Variants in KIFC3 observed in about 807,000 individuals in gnomAD.
The protein encoded by KIFC3 is kinesin family member C3.
A neutral mutation model predicts 101.8 loss-of-function variants in KIFC3; 60 were observed. That is an observed-to-expected ratio of 0.59 (90% confidence interval 0.48 to 0.73). The LOEUF (loss-of-function observed/expected upper bound fraction) is 0.73. Among genes scored for constraint, KIFC3 ranks in the 30% least tolerant of loss-of-function variants. KIFC3 has a pLI of 0.00. For synonymous variants in KIFC3, 476 were observed against 482.7 expected, an observed-to-expected ratio of 0.99 and a Z score of 0.18; for missense variants, 966 against 1,137.1, an observed-to-expected ratio of 0.85 and a Z score of 2.16.
chr16:57,800,769 G>A (rs1157613317), intron 1 of KIFC3, among the ~76,000 whole-genome samples: 2 of 152,188 alleles, frequency 1.3e-5, no homozygotes, highest in Admixed American at 6.5e-5. Context: ...GGGTGTGAAG[G>A]TCAAAAGTAT....
chr16:57,851,770 C>T (rs1221219158), intron 1 of KIFC3, among the ~76,000 whole-genome samples: 2 of 151,190 alleles, frequency 1.3e-5, no homozygotes, highest in Admixed American at 1.3e-4. Flanking sequence ...ATGGTAGTCT[C>T]GCACTGTCGC....
At position 57,798,586 on chromosome 16, in the gene KIFC3, G is replaced by C. The variant is rs1446433622; in HGVS notation, c.-39-304C>G. On this transcript the variant is annotated intron_variant, in intron 1 of 19. Coordinates refer to ENST00000445690, the MANE Select transcript of KIFC3 (RefSeq NM_001130100.2). ...GAGCCTGGAGCCTGAGGACAAGCCA[G>C]GTCCTAGCCCCACACAGAGGAGGCA... 17 of 495,082 alleles carry C rather than the reference G, an allele frequency of 3.4e-5. No homozygotes were observed. In the South Asian group the frequency reaches 3.5e-4, roughly 10 times the overall value. 30.7% of individuals were successfully genotyped at this position (495,082 alleles called of 1,614,324 possible). A position where few individuals can be genotyped will look rare whatever the true frequency, so the allele number is the denominator to read the frequency against.
rs372862493 is a variant in KIFC3 at position 57,766,970 on chromosome 16, C to G, written c.1234G>C (p.Glu412Gln). The G allele has an allele frequency of 1.2e-6, 2 of 1,613,004 alleles. No homozygotes were observed. Among genetic ancestry groups the G allele is most frequent in the African/African-American group, 2.7e-5 (2 of 74,912 alleles). The change falls in exon 10 of 20, where the codon GAG becomes CAG. Residue 412 changes from glutamate (E) to glutamine (Q), a missense_variant. Glu to Gln is a conservative substitution (Grantham distance 29). Around this residue, in one of 2 missense-constraint regions of KIFC3, gnomAD observed 689 missense variants for 884.6 expected, o/e 0.78. Transcript: ENST00000445690. Reference sequence around the variant, plus strand: ...TCCTGGTTGTTGCTGTTGACCTCCTCGATGGCCTGGCCTATCTGGTGGGGG... The same window carrying G: ...TCCTGGTTGTTGCTGTTGACCTCCTGGATGGCCTGGCCTATCTGGTGGGGG... ...SVKAEIGQAI[E>Q]EVNSNNQELL...
rs543054542 is a variant in KIFC3, at chr16:57,843,960, T to G, written c.108+18769A>C. Among the ~76,000 whole-genome samples, 7 of 151,506 alleles carry G rather than the reference T, an allele frequency of 4.6e-5. No homozygotes were observed. The East Asian group carries it at 1.4e-3, about 30-fold the overall frequency. ...CTGTCTCTACTAAAAATACAATAATTAGTTGGGCATGGTGGTGCACGCCTG... is the reference window on the plus strand; with the variant it reads ...CTGTCTCTACTAAAAATACAATAATGAGTTGGGCATGGTGGTGCACGCCTG... On this transcript the variant is annotated intron_variant, in intron 1 of 2. Transcript: ENST00000563028.
At position 57,795,123 on chromosome 16, in the gene KIFC3, G is replaced by C. The variant is rs750978673; in HGVS notation, c.191C>G (p.Pro64Arg). Residue 64 changes from proline (P) to arginine (R), a missense_variant, in exon 3 of 20, where the codon CCA becomes CGA. By Grantham distance (103) the Pro-to-Arg change is moderately radical (BLOSUM62 -2). Coordinates refer to ENST00000445690, the MANE Select transcript of KIFC3 (RefSeq NM_001130100.2). ...ACTGGAGTCCTCGTCACCGCAGACTGGGGTATCTTTTCCACGCCCTGTCCC... is the reference window on the plus strand; with the variant it reads ...ACTGGAGTCCTCGTCACCGCAGACTCGGGTATCTTTTCCACGCCCTGTCCC... ...RLRTGRGKDT[P>R]VCGDEDSSAR... 1.6e-5 allele frequency: 26 copies of C among 1,611,508 alleles called. No homozygotes were observed. Among genetic ancestry groups the C allele is most frequent in the Non-Finnish European group, 2.2e-5 (26 of 1,179,080 alleles).
rs114658751 is a variant in KIFC3, at chr16:57,775,687, C to G, written c.316-3399G>C. 1,060 of 985,516 alleles carry G rather than the reference C, an allele frequency of 1.1e-3. 4 individuals are homozygous for G. The African/African-American group carries it at 0.017, about 16-fold the overall frequency. 61.0% of individuals were successfully genotyped at this position (985,516 alleles called of 1,614,324 possible). A position where few individuals can be genotyped will look rare whatever the true frequency, so the allele number is the denominator to read the frequency against. On this transcript the variant is annotated intron_variant, in intron 3 of 19. Coordinates refer to ENST00000445690, the MANE Select transcript of KIFC3 (RefSeq NM_001130100.2). ...CTCTAAGCCCAACAGGGGAGGGTCCCGAGTGCCACCCTGGGCCCGATACAT... is the reference window on the plus strand; with the variant it reads ...CTCTAAGCCCAACAGGGGAGGGTCCGGAGTGCCACCCTGGGCCCGATACAT...
intron 3 of KIFC3, among the ~76,000 whole-genome samples, chr16:57,778,214 A>G (rs1440728527): frequency 2.0e-5 from 3 of 152,200 alleles, no homozygotes; most frequent in Non-Finnish European, 2.9e-5. Context: ...CAGGAGGCCA[A>G]GGCCACAGTG....
chr16:57,828,894 C>T (rs1247919908), intron 1 of KIFC3, among the ~76,000 whole-genome samples: 1 of 152,118 alleles, frequency 6.6e-6, no homozygotes, highest in East Asian at 1.9e-4. Context: ...AGCCACAAAG[C>T]TGCCTCTCTG....
chr16:57,778,706 CAAAACCACTATGA>C, intron 3 of KIFC3, among the ~76,000 whole-genome samples: 1 of 152,236 alleles, frequency 6.6e-6, no homozygotes, highest in South Asian at 2.1e-4. Flanking sequence ...AAATGCAAAT[CAAAACCACTATGA>C]GATACCACTG....
At chr16:57,812,671 A>G (rs541585664) in intron 1 of KIFC3, among the ~76,000 whole-genome samples, 2 of 152,326 alleles carry the variant, frequency 1.3e-5, no homozygotes, top group South Asian at 2.1e-4. Context: ...GAGAGACCCC[A>G]TGAGTCAGGG....
intron 1 of KIFC3, chr16:57,846,675 C>A (rs2055926927): frequency 6.6e-6 from 1 of 152,242 alleles, no homozygotes; most frequent in African/African-American, 2.4e-5. Flanking sequence ...GTCACCCCTG[C>A]AGCTGGTTCA....
intron 1 of KIFC3, among the ~76,000 whole-genome samples, chr16:57,833,164 C>T (rs1354321228): frequency 3.3e-5 from 5 of 152,012 alleles, no homozygotes; most frequent in Admixed American, 3.3e-4. Context: ...CGAGATCACA[C>T]GACTGCATTG....
chr16:57,841,392 G>A lies in KIFC3; in HGVS notation c.108+21337C>T, dbSNP rs182377376. ...CATTAAAATGAAACCCAGGCCAGGC[G>A]CAGTGGCTCACGCCTGTAATCCCAG... On this transcript the variant is annotated intron_variant, in intron 1 of 2. Transcript: ENST00000563028. Among the ~76,000 whole-genome samples, 54 of 152,260 alleles carry A rather than the reference G, an allele frequency of 3.5e-4. 1 individual carries two copies. The highest frequency in any genetic ancestry group is 6.8e-3 in the Middle Eastern group (2 of 294).
At chr16:57,853,606 T>A (rs1336808885) in intron 1 of KIFC3, among the ~76,000 whole-genome samples, 1 of 152,122 alleles carries the variant, frequency 6.6e-6, no homozygotes, top group African/African-American at 2.4e-5. Context: ...AAGAATTTTT[T>A]AATTTTAATT....
upstream of KIFC3, among the ~76,000 whole-genome samples, chr16:57,805,744 C>T (rs1304489977): frequency 1.3e-5 from 2 of 149,086 alleles, no homozygotes; most frequent in South Asian, 4.3e-4. Context: ...GGCGCAATCT[C>T]GGCTCACTGA....
intron 3 of KIFC3, among the ~76,000 whole-genome samples, chr16:57,788,250 C>T (rs2053531051): frequency 6.6e-6 from 1 of 152,210 alleles, no homozygotes; most frequent in African/African-American, 2.4e-5. Flanking sequence ...CTGCCACCCT[C>T]GCCCTGCTTT....
In KIFC3 at chr16:57,771,457, C is replaced by A; in HGVS notation, c.526-20G>T. ...GCTCTCCTGCAGCCATTGGGAGGCA[C>A]TGGATGAGTGCAAGGGACAGGCTCA... On this transcript the variant is annotated intron_variant, in intron 5 of 19. Transcript: ENST00000445690. 6.2e-7 allele frequency: 1 copy of A among 1,613,394 alleles called. No homozygotes were observed. The highest frequency in any genetic ancestry group is 8.5e-7 in the Non-Finnish European group (1 of 1,179,910).
At chr16:57,799,210 T>C (rs555026470) in intron 1 of KIFC3, among the ~76,000 whole-genome samples, 4 of 152,228 alleles carry the variant, frequency 2.6e-5, no homozygotes, top group African/African-American at 9.7e-5. Flanking sequence ...GAAGTCTTTA[T>C]TGAGCACCTA....
chr16:57,775,420 G>C, intron 3 of KIFC3: 1 of 1,034,996 alleles, frequency 9.7e-7, no homozygotes, highest in Non-Finnish European at 1.2e-6. Context: ...CAGCTCTACT[G>C]GGGGCTAGGT....
Sources: allele counts gnomAD v4.1 joint callset (sites outside exome capture counted in the v4.1 genomes callset), GRCh38; gene constraint gnomAD v4.1.1; regional missense constraint gnomAD v4.1.1; transcripts MANE v1.5; gene names NCBI Gene and HGNC (gene_info 2026-07-23, HGNC 2026-07-21).